Variants in FBXW11 observed in about 807,000 individuals in gnomAD.
FBXW11 encodes F-box/WD repeat-containing protein 11.
In FBXW11, 19 loss-of-function variants were observed where a neutral mutation model predicts 77.6. The ratio of observed to expected loss-of-function variants is 0.24; its 90% CI spans 0.17 to 0.36. FBXW11 has a LOEUF of 0.36. FBXW11 is among the 10% of genes least tolerant of loss of function. The probability of loss-of-function intolerance (pLI) is 1.00; values close to 1 mark genes in which losing one functional copy is unlikely to be tolerated. For synonymous variants in FBXW11, 235 were observed against 249.4 expected (o/e 0.94, Z 0.54); for missense variants, 334 against 704.2 (o/e 0.47, Z 5.95).
At chr5:171,943,920 G>C (rs1561707727) in intron 2 of FBXW11, among the ~76,000 whole-genome samples, 3 of 152,140 alleles carry the variant, frequency 2.0e-5, no homozygotes, top group Admixed American at 2.0e-4. Context: ...TCCTAGTGAA[G>C]GCATAATGAG....
chr5:171,995,747 C>T (rs370817505), intron 1 of FBXW11, among the ~76,000 whole-genome samples: 9 of 150,848 alleles, frequency 6.0e-5, no homozygotes, highest in Middle Eastern at 3.5e-3. Flanking sequence ...AGCGAGACTC[C>T]GCCTCAAAAA....
At chr5:171,937,673 C>G (rs1762545712) in intron 2 of FBXW11, among the ~76,000 whole-genome samples, 1 of 151,558 alleles carries the variant, frequency 6.6e-6, no homozygotes, top group Non-Finnish European at 1.5e-5. Context: ...CTAAAAAATA[C>G]AAAAATTAGC....
At chr5:171,992,284 CG>C (rs1245756143) in intron 1 of FBXW11, among the ~76,000 whole-genome samples, 1 of 150,656 alleles carries the variant, frequency 6.6e-6, no homozygotes, top group Non-Finnish European at 1.5e-5. Context: ...AAAAATTAGC[CG>C]GGTGGGTTGG....
In FBXW11 at chr5:171,971,498, CTTA is replaced by C; in HGVS notation, c.46-13803_46-13801del. Among the ~76,000 whole-genome samples, 8 of 152,230 alleles carry C rather than the reference CTTA, an allele frequency of 5.3e-5. 2 individuals carry two copies. The South Asian group carries it at 1.7e-3, about 32-fold the overall frequency. ...TTTTCCTTTCATCTTCATTTTCCCA[CTTA>C]TTTTGTTTTTAATCTTCCTACACTG... is the stretch of plus-strand genomic sequence containing the variant. On this transcript the variant is annotated intron_variant, in intron 1 of 13. Coordinates refer to ENST00000517395, the MANE Select transcript of FBXW11 (RefSeq NM_001378974.1).
At position 171,876,859 on chromosome 5, in the gene FBXW11, A is replaced by T. The variant is rs1758114031; in HGVS notation, c.972-325T>A. The stretch of plus-strand genomic sequence containing the variant: ...CTTCTCTCTCACATGTGATCTGCAC[A>T]TGCTGGCTCCCCTTTGCCTTCTGCC... On this transcript the variant is annotated intron_variant, in intron 8 of 13. Transcript: ENST00000517395. The surrounding 1 kb of genome is among the most constrained non-coding windows in gnomAD (Gnocchi z 4.2). 2.0e-5 allele frequency among the ~76,000 whole-genome samples: 3 copies of T among 152,182 alleles called. No homozygotes were observed. The highest frequency in any genetic ancestry group is 2.0e-4 in the Admixed American group (3 of 15,272).
chr5:171,961,011 T>C (rs950428100), intron 1 of FBXW11, among the ~76,000 whole-genome samples: 2 of 152,234 alleles, frequency 1.3e-5, no homozygotes, highest in South Asian at 4.1e-4. Flanking sequence ...ATTTATTAGA[T>C]GCTGACATCA....
At chr5:171,877,492 C>T (rs1478206968) in intron 8 of FBXW11, among the ~76,000 whole-genome samples, 2 of 152,176 alleles carry the variant, frequency 1.3e-5, no homozygotes, top group Non-Finnish European at 2.9e-5. Context: ...AGCATTTCCA[C>T]ATCACGGCTT....
At chr5:171,949,213 T>C (rs571690719) in intron 2 of FBXW11, among the ~76,000 whole-genome samples, 50 of 152,318 alleles carry the variant, frequency 3.3e-4, no homozygotes, top group African/African-American at 1.2e-3. Context: ...CTGATGATAA[T>C]AATAGGAAGG....
At chr5:171,925,431 C>A (rs114773128) in intron 2 of FBXW11, among the ~76,000 whole-genome samples, 1,755 of 151,872 alleles carry the variant, frequency 0.012, 21 homozygotes, top group African/African-American at 0.038. Context: ...AACAAACAAA[C>A]AAAAAAAACA....
intron 11 of FBXW11, 54 bp downstream of exon 11, chr5:171,870,694 C>A: frequency 7.4e-7 from 1 of 1,345,576 alleles, no homozygotes. Flanking sequence ...TATAACATTT[C>A]TCTTTCTTCT....
intron 2 of FBXW11, among the ~76,000 whole-genome samples, chr5:171,955,204 G>A (rs187695960): frequency 2.6e-5 from 4 of 152,252 alleles, no homozygotes; most frequent in East Asian, 3.9e-4. Context: ...TCTTCCCTCC[G>A]GCTTTTTCGA....
In FBXW11 at chr5:171,876,157, C is replaced by T; in HGVS notation, c.1221+128G>A. 1 of 1,159,536 alleles carries T rather than the reference C, an allele frequency of 8.6e-7. No homozygotes were observed. The highest frequency in any genetic ancestry group is 1.2e-6 in the Non-Finnish European group (1 of 808,118). 71.8% of individuals were successfully genotyped at this position (1,159,536 alleles called of 1,614,324 possible). A position where few individuals can be genotyped will look rare whatever the true frequency, so the allele number is the denominator to read the frequency against. On this transcript the variant is annotated intron_variant, in intron 9 of 13. Transcript: ENST00000517395. The surrounding 1 kb of genome is among the most constrained non-coding windows in gnomAD (Gnocchi z 4.2). ...ACAGATATACAGAGTGGGATGGCCT[C>T]AAGGGTTCATAAGCACAGAGGAGAA... is the stretch of plus-strand genomic sequence containing the variant.
At chr5:171,898,537 T>C (rs907241047) in intron 6 of FBXW11, among the ~76,000 whole-genome samples, 1 of 152,184 alleles carries the variant, frequency 6.6e-6, no homozygotes, top group African/African-American at 2.4e-5. Context: ...GGAGCATAAT[T>C]TGCCCTATAA....
chr5:171,998,433 C>G (rs1358116990), intron 1 of FBXW11, among the ~76,000 whole-genome samples: 1 of 149,898 alleles, frequency 6.7e-6, no homozygotes, highest in Non-Finnish European at 1.5e-5. Flanking sequence ...CCTTGGCCTC[C>G]CAAAGGGCTG....
chr5:171,978,317 A>G (rs1256089591), intron 1 of FBXW11, among the ~76,000 whole-genome samples: 1 of 152,238 alleles, frequency 6.6e-6, no homozygotes, highest in Non-Finnish European at 1.5e-5. Flanking sequence ...TCAAAGTAAA[A>G]GACAAACTAC....
intron 1 of FBXW11, among the ~76,000 whole-genome samples, chr5:172,000,649 G>C (rs751680420): frequency 4.6e-5 from 7 of 152,212 alleles, no homozygotes; most frequent in Admixed American, 1.3e-4. Flanking sequence ...TGTGGGGAAA[G>C]TTAGTATGGT....
At chr5:171,996,902 T>C in intron 1 of FBXW11, 1 of 1,285,886 alleles carries the variant, frequency 7.8e-7, no homozygotes. Context: ...GGAAAATATT[T>C]TGTACTTCAG....
At chr5:171,998,525 G>A (rs978147852) in intron 1 of FBXW11, among the ~76,000 whole-genome samples, 12 of 151,516 alleles carry the variant, frequency 7.9e-5, no homozygotes, top group Admixed American at 3.3e-4. Flanking sequence ...GGCTGGGCTC[G>A]ATGGCTCACA....
At chr5:171,874,751 A>C (rs868397972) in intron 9 of FBXW11, among the ~76,000 whole-genome samples, 1 of 138,896 alleles carries the variant, frequency 7.2e-6, no homozygotes, top group Non-Finnish European at 1.5e-5. Flanking sequence ...CCTGGTCTCT[A>C]CAAAAAAAAA....
Sources: allele counts gnomAD v4.1 joint callset (sites outside exome capture counted in the v4.1 genomes callset), GRCh38; gene constraint gnomAD v4.1.1; non-coding constraint Gnocchi (gnomAD v3.1); transcripts MANE v1.5; gene names NCBI Gene and HGNC (gene_info 2026-07-23, HGNC 2026-07-21).